The following COL6A5 variants were observed in gnomAD, a reference collection of about 807,000 sequenced individuals.
The protein encoded by COL6A5 is collagen alpha-5(VI) chain.
In COL6A5, 48 loss-of-function variants were observed where a neutral mutation model predicts 65.6. The ratio of observed to expected loss-of-function variants is 0.73; its 90% CI spans 0.58 to 0.93. The LOEUF (loss-of-function observed/expected upper bound fraction) is 0.93, where lower values mean the gene tolerates loss of function less well. Among genes scored for constraint, COL6A5 ranks in the 40% least tolerant of loss-of-function variants. The pLI is 0.00. For missense variants in COL6A5, 914 were observed against 928.3 expected, an observed-to-expected ratio of 0.98 and a Z score of 0.20; for synonymous variants, 291 against 322.8, an observed-to-expected ratio of 0.90 and a Z score of 1.05.
At chr3:130,474,018 C>T (rs973955023) in intron 7 of COL6A5, among the ~76,000 whole-genome samples, 25 of 152,060 alleles carry the variant, frequency 1.6e-4, no homozygotes, top group African/African-American at 5.8e-4. Context: ...GTAGTAACAG[C>T]AGTAACTGCC....
Position 130,462,622 on chromosome 3 carries a change from A to G in COL6A5, c.1545-6173A>G, listed in dbSNP as rs560925277. Among the ~76,000 whole-genome samples the G allele has an allele frequency of 2.6e-5, 4 of 152,258 alleles. No individual in the cohort carries two copies. In the East Asian group the frequency reaches 7.8e-4, roughly 30 times the overall value. On this transcript the variant is annotated intron_variant, in intron 5 of 7. Transcript: ENST00000512836. The stretch of plus-strand genomic sequence containing the variant: ...AGATAATGAAATTGAGGCATGGAGA[A>G]AACTCAAGGTCACAAAGTTAACAGA...
chr3:130,447,412 G>A (rs1237855362), intron 4 of COL6A5, among the ~76,000 whole-genome samples: 1 of 152,116 alleles, frequency 6.6e-6, no homozygotes, highest in African/African-American at 2.4e-5. Flanking sequence ...AATAAACTTA[G>A]CCTGTTTCCA....
intron 1 of COL6A5, among the ~76,000 whole-genome samples, chr3:130,362,326 A>ATATATATATT (rs1935166422): frequency 2.1e-4 from 1 of 4,668 alleles, no homozygotes; most frequent in Non-Finnish European, 5.6e-4. Flanking sequence ...ATATATATAT[A>ATATATATATT]TTTTTTTTTT....
chr3:130,444,044 G>A (rs1210393367), intron 4 of COL6A5, among the ~76,000 whole-genome samples: 4 of 152,096 alleles, frequency 2.6e-5, no homozygotes, highest in African/African-American at 9.7e-5. Flanking sequence ...CTCTTTCTCA[G>A]GGATGTTCCT....
At chr3:130,458,838 A>G (rs1709636159) in intron 5 of COL6A5, among the ~76,000 whole-genome samples, 1 of 152,178 alleles carries the variant, frequency 6.6e-6, no homozygotes, top group South Asian at 2.1e-4. Context: ...CATCTGCAAT[A>G]TAAAAATCCC....
At chr3:130,403,881 C>T (rs1397697439) in intron 13 of COL6A5, among the ~76,000 whole-genome samples, 1 of 151,910 alleles carries the variant, frequency 6.6e-6, no homozygotes, top group Non-Finnish European at 1.5e-5. Context: ...GAAGGGTTGC[C>T]TTTCTTTTCA....
At chr3:130,475,755 G>C (rs1710076910) in intron 7 of COL6A5, among the ~76,000 whole-genome samples, 1 of 152,130 alleles carries the variant, frequency 6.6e-6, no homozygotes, top group African/African-American at 2.4e-5. Flanking sequence ...GAGGAAGGCT[G>C]AGTAAGAGAA....
intron 1 of COL6A5, among the ~76,000 whole-genome samples, chr3:130,358,029 A>C (rs1934981879): frequency 6.6e-6 from 1 of 151,942 alleles, no homozygotes; most frequent in South Asian, 2.1e-4. Flanking sequence ...CTCTACTAAA[A>C]ATACAAAAAA....
At chr3:130,460,122 T>C (rs1709669775) in intron 5 of COL6A5, among the ~76,000 whole-genome samples, 1 of 152,156 alleles carries the variant, frequency 6.6e-6, no homozygotes. Flanking sequence ...TGCAGCAGTA[T>C]TGGCTTCTGA....
chr3:130,391,395 T>C, exon 7 of COL6A5: 3 of 1,551,676 alleles, frequency 1.9e-6, no homozygotes, highest in South Asian at 1.2e-5. Context: ...TCAGCAATAA[T>C]TGAGAATCTG....
intron 3 of COL6A5, among the ~76,000 whole-genome samples, chr3:130,442,990 T>C (rs1037909482): frequency 1.3e-5 from 2 of 152,210 alleles, no homozygotes; most frequent in South Asian, 2.1e-4. Flanking sequence ...AATAGGCATA[T>C]TATTTAGACC....
Position 130,406,124 on chromosome 3 carries a change from C to G in COL6A5, c.4381-7C>G. On this transcript the variant is annotated splice_polypyrimidine_tract_variant and splice_region_variant and intron_variant and NMD_transcript_variant, in intron 15 of 41. Transcript: ENST00000312481. ...TTACCTGATGCCTGTCTATTGTCAT[C>G]TCTCAGGGAGGTCATGGAGACGATG... 6.5e-7 allele frequency: 1 copy of G among 1,549,864 alleles called. No individual in the cohort carries two copies. Among genetic ancestry groups the G allele is most frequent in the Admixed American group, 2.0e-5 (1 of 51,000 alleles).
chr3:130,396,347 A>G (rs1936599222), intron 8 of COL6A5, among the ~76,000 whole-genome samples: 1 of 152,194 alleles, frequency 6.6e-6, no homozygotes, highest in Admixed American at 6.5e-5. Flanking sequence ...CACATCTTAT[A>G]TGTCCCATTT....
chr3:130,440,325 C>CT lies in COL6A5; in HGVS notation c.743dup (p.Ser249PhefsTer10). Reference sequence around the variant, plus strand: ...TCAGTGATTGACAACTTCAACATTGCTTCAGACCCTTTAATCTCAGACTCT... The same window carrying CT: ...TCAGTGATTGACAACTTCAACATTGCTTTCAGACCCTTTAATCTCAGACTCT... On this transcript the variant is annotated frameshift_variant, in exon 3 of 8. Transcript: ENST00000512836. LOFTEE classifies it high-confidence loss of function. The CT allele has an allele frequency of 2.5e-6, 4 of 1,613,388 alleles. No individual in the cohort carries two copies. Among genetic ancestry groups the CT allele is most frequent in the Non-Finnish European group, 3.4e-6 (4 of 1,179,680 alleles).
intron 13 of COL6A5, among the ~76,000 whole-genome samples, chr3:130,405,146 C>G (rs1052310965): frequency 1.3e-5 from 2 of 152,168 alleles, no homozygotes. Flanking sequence ...TCTCATTCTC[C>G]TAGTAGTGTC....
intron 13 of COL6A5, among the ~76,000 whole-genome samples, chr3:130,404,544 AG>A (rs1249863063): frequency 2.0e-5 from 3 of 152,168 alleles, no homozygotes; most frequent in East Asian, 1.9e-4. Context: ...ATGACCACTA[AG>A]GGGGGTGCTC....
chr3:130,477,693 G>A (rs1710134206), intron 7 of COL6A5, among the ~76,000 whole-genome samples: 1 of 152,004 alleles, frequency 6.6e-6, no homozygotes, highest in African/African-American at 2.4e-5. Context: ...CGAAATTCTG[G>A]AGGTGGAGCC....
At chr3:130,403,222 C>G (rs1936872586) in intron 12 of COL6A5, among the ~76,000 whole-genome samples, 1 of 152,188 alleles carries the variant, frequency 6.6e-6, no homozygotes, top group African/African-American at 2.4e-5. Flanking sequence ...TCCTTGAGCT[C>G]TCAAAATAGC....
rs182438556 is a variant in COL6A5 at position 130,448,827 on chromosome 3, G to A, written c.1332+5261G>A. On this transcript the variant is annotated intron_variant, in intron 4 of 7. Transcript: ENST00000512836. ...TGCAGGCTCCTGATTATTGATAGATGGTATAGTAAAAGCAAATTTTTCACA... is the reference window on the plus strand; with the variant it reads ...TGCAGGCTCCTGATTATTGATAGATAGTATAGTAAAAGCAAATTTTTCACA... Among the ~76,000 whole-genome samples, 260 of 152,196 alleles carry A rather than the reference G, an allele frequency of 1.7e-3. 1 individual carries two copies. The highest frequency in any genetic ancestry group is 5.9e-3 in the African/African-American group (247 of 41,542).
Sources: gnomAD v4.1 joint callset for allele counts (sites outside exome capture counted in the v4.1 genomes callset) on GRCh38, gnomAD v4.1.1 for gene constraint, MANE v1.5 for transcripts, NCBI Gene and HGNC (gene_info 2026-07-23, HGNC 2026-07-21) for gene names.